Variants in CFLAR observed in about 807,000 individuals in gnomAD.
CFLAR encodes CASP8 and FADD like apoptosis regulator.
CFLAR carries 14 observed loss-of-function variants against 51.1 expected under a neutral mutation model. That is an observed-to-expected ratio of 0.27 (90% CI 0.18 to 0.43). The LOEUF (loss-of-function observed/expected upper bound fraction) is 0.43, where lower values mean the gene tolerates loss of function less well. CFLAR is among the 20% of genes least tolerant of loss of function. The pLI is 1.00. For synonymous variants in CFLAR, 210 were observed against 211.6 expected, an observed-to-expected ratio of 0.99 and a Z score of 0.06; for missense variants, 390 against 566.5, an observed-to-expected ratio of 0.69 and a Z score of 3.16.
At chr2:201,162,667 AT>A in intron 9 of CFLAR, 1 of 207,692 alleles carries the variant, frequency 4.8e-6, no homozygotes. Flanking sequence ...GATTTCCTCA[AT>A]TTTGCAAGGC....
intron 1 of CFLAR, among the ~76,000 whole-genome samples, chr2:201,128,839 T>C (rs2048953788): frequency 6.6e-6 from 1 of 152,186 alleles, no homozygotes; most frequent in African/African-American, 2.4e-5. Flanking sequence ...AACTTAAATT[T>C]TGAAAGAAAA....
chr2:201,162,824 T>C, intron 9 of CFLAR: 2 of 528,066 alleles, frequency 3.8e-6, no homozygotes, highest in Non-Finnish European at 6.9e-6. Flanking sequence ...TGCATGTCAG[T>C]AGTCACATTT....
chr2:201,139,765 C>T (rs546515304), intron 4 of CFLAR: 1 of 152,902 alleles, frequency 6.5e-6, no homozygotes, highest in Non-Finnish European at 1.5e-5. Context: ...TGCCACACCC[C>T]CCTCTCCGAG....
intron 4 of CFLAR, chr2:201,136,538 C>G: frequency 1.3e-6 from 2 of 1,506,890 alleles, no homozygotes; most frequent in South Asian, 2.5e-5. Context: ...ACAAAACCTC[C>G]TTATGGAAAA....
In CFLAR at chr2:201,138,958, G is replaced by A. The variant is rs552579281; in HGVS notation, c.524-1399G>A. Reference sequence around the variant, plus strand: ...TGAATCCTGGGAGAATCAAGAAGTCGTTGTAGGTGAGTCCCTGGTCACTGG... The same window carrying A: ...TGAATCCTGGGAGAATCAAGAAGTCATTGTAGGTGAGTCCCTGGTCACTGG... On this transcript the variant is annotated intron_variant, in intron 4 of 9. Transcript: ENST00000309955. This position sits in a 1 kb window ranked among gnomAD's most constrained non-coding sequence, Gnocchi z 4.0. 825 of 592,550 alleles carry A rather than the reference G, an allele frequency of 1.4e-3. 13 individuals carry two copies. Among genetic ancestry groups the A allele is most frequent in the South Asian group, 0.011 (796 of 72,566 alleles). The allele number at this position is 592,550 out of a possible 1,614,324, so 36.7% of individuals were successfully genotyped here. A position where few individuals can be genotyped will look rare whatever the true frequency, so the allele number is the denominator to read the frequency against.
Position 201,170,666 on chromosome 2 carries a change from A to C in CFLAR, c.*6693A>C, listed in dbSNP as rs1312779577. The C allele has an allele frequency of 1.3e-5, 2 of 152,188 alleles. No individual in the cohort carries two copies. Among genetic ancestry groups the C allele is most frequent in the Admixed American group, 6.5e-5 (1 of 15,278 alleles). 9.4% of individuals were successfully genotyped at this position (152,188 alleles called of 1,614,324 possible). A position where few individuals can be genotyped will look rare whatever the true frequency, so the allele number is the denominator to read the frequency against. On this transcript the variant is annotated 3_prime_UTR_variant, in exon 10 of 10. Coordinates refer to ENST00000309955, the MANE Select transcript of CFLAR (RefSeq NM_003879.7). ...CCACCACTCAATCTGTCTATCATCT[A>C]TCTCTCCATTCATTCTTCCATTTGT...
intron 3 of CFLAR, among the ~76,000 whole-genome samples, chr2:201,133,678 C>T (rs1354192345): frequency 6.6e-6 from 1 of 152,110 alleles, no homozygotes; most frequent in African/African-American, 2.4e-5. Context: ...TGCCTGTAAT[C>T]CCAGCACTTT....
At chr2:201,136,544 G>T in intron 4 of CFLAR, 1 of 1,495,604 alleles carries the variant, frequency 6.7e-7, no homozygotes, top group Non-Finnish European at 8.9e-7. Context: ...CCTCCTTATG[G>T]AAAAGAGCAC....
At chr2:201,152,924 C>T (rs56863085) in intron 8 of CFLAR, 37,746 of 152,210 alleles carry the variant, frequency 0.25, 5,493 homozygotes, top group African/African-American at 0.4. Flanking sequence ...CTTGACTGCA[C>T]TGGTACATCT....
At chr2:201,142,470 C>G (rs551510201) in intron 5 of CFLAR, among the ~76,000 whole-genome samples, 9 of 152,200 alleles carry the variant, frequency 5.9e-5, no homozygotes, top group Non-Finnish European at 7.4e-5. Flanking sequence ...AATAAGGAAA[C>G]TTAGCCCTAA....
At chr2:201,125,216 TGA>T (rs1017452736) in intron 1 of CFLAR, among the ~76,000 whole-genome samples, 2 of 152,230 alleles carry the variant, frequency 1.3e-5, no homozygotes, top group African/African-American at 2.4e-5. Flanking sequence ...GGCTCAGGAC[TGA>T]GTGTGGCTGT....
rs535509716 is a variant in CFLAR, at chr2:201,140,191, T to G, written c.524-166T>G. On this transcript the variant is annotated intron_variant, in intron 4 of 9. Transcript: ENST00000309955. ...AGGGCGCCCTATACTCCATTCTTCA[T>G]GATGTTTGGTCGAAGAGTCATCTGA... is the stretch of plus-strand genomic sequence containing the variant. 467 of 739,642 alleles carry G rather than the reference T, an allele frequency of 6.3e-4. 4 individuals carry two copies. The African/African-American group carries it at 7.9e-3, about 13-fold the overall frequency. The allele number at this position is 739,642 out of a possible 1,614,324, so 45.8% of individuals were successfully genotyped here.
At chr2:201,136,668 C>T (rs1031332003) in intron 4 of CFLAR, 2 of 1,082,374 alleles carry the variant, frequency 1.8e-6, no homozygotes, top group African/African-American at 3.2e-5. Context: ...AGCAAGTTCA[C>T]TGCCACCATA....
intron 1 of CFLAR, chr2:201,119,275 A>G (rs2047929525): frequency 6.6e-6 from 1 of 152,210 alleles, no homozygotes; most frequent in South Asian, 2.1e-4. Context: ...GGACATAGAA[A>G]TGGATCTAAA....
chr2:201,170,874 T>G lies in CFLAR; in HGVS notation c.*6901T>G, dbSNP rs1213856840. ...ACTGCATGTTTTGGTACCATTTAGA[T>G]ATAGTTTAAGATACTTAGAAGTTAT... On this transcript the variant is annotated 3_prime_UTR_variant, in exon 10 of 10. Coordinates refer to ENST00000309955, the MANE Select transcript of CFLAR (RefSeq NM_003879.7). 2 of 152,256 alleles carry G rather than the reference T, an allele frequency of 1.3e-5. No individual in the cohort carries two copies. The highest frequency in any genetic ancestry group is 2.9e-5 in the Non-Finnish European group (2 of 68,034). 9.4% of individuals were successfully genotyped at this position (152,256 alleles called of 1,614,324 possible). A position where few individuals can be genotyped will look rare whatever the true frequency, so the allele number is the denominator to read the frequency against.
intron 8 of CFLAR, 36 bp from the exon 9 acceptor site, chr2:201,160,396 G>A (rs1301971218): frequency 3.8e-6 from 6 of 1,596,124 alleles, no homozygotes; most frequent in Non-Finnish European, 5.1e-6. Context: ...CCTCACTCCA[G>A]TGTTGTTTTC....
chr2:201,119,306 CCT>C, intron 1 of CFLAR: 1 of 152,272 alleles, frequency 6.6e-6, no homozygotes, highest in East Asian at 1.9e-4. Context: ...GTCCCCATAA[CCT>C]CACAATGTGG....
At chr2:201,152,337 T>C (rs1373542767) in intron 8 of CFLAR, among the ~76,000 whole-genome samples, 1 of 152,070 alleles carries the variant, frequency 6.6e-6, no homozygotes, top group African/African-American at 2.4e-5. Flanking sequence ...ATTTTTCCTG[T>C]AGTGCTGAGT....
At chr2:201,163,117 C>A in intron 9 of CFLAR, 2 of 751,122 alleles carry the variant, frequency 2.7e-6, no homozygotes, top group South Asian at 1.5e-5. Flanking sequence ...GTAGCTGTGT[C>A]CCTGAATTCT....
Sources: gnomAD v4.1 joint callset for allele counts (sites outside exome capture counted in the v4.1 genomes callset) on GRCh38, gnomAD v4.1.1 for gene constraint, Gnocchi (gnomAD v3.1) non-coding constraint, MANE v1.5 for transcripts, NCBI Gene and HGNC (gene_info 2026-07-23, HGNC 2026-07-21) for gene names.